The following OPRD1 variants were observed in gnomAD, a reference collection of about 807,000 sequenced individuals.
OPRD1 encodes opioid receptor delta 1, also known as delta-type opioid receptor.
Under a neutral mutation model 17.5 loss-of-function variants are expected in OPRD1, and 19 were observed. The observed-to-expected ratio is 1.09, with a 90% CI of 0.76 to 1.60. The LOEUF (loss-of-function observed/expected upper bound fraction) is 1.60. Ranked by LOEUF, OPRD1 falls within the 40% of genes most tolerant of loss-of-function variation. OPRD1 has a pLI of 0.00. For missense variants in OPRD1, 483 were observed against 547.2 expected, an observed-to-expected ratio of 0.88 and a Z score of 1.17; for synonymous variants, 256 against 240.9, an observed-to-expected ratio of 1.06 and a Z score of -0.58.
chr1:28,854,209 A>G (rs941960647), intron 1 of OPRD1, among the ~76,000 whole-genome samples: 1 of 152,056 alleles, frequency 6.6e-6, no homozygotes, highest in Non-Finnish European at 1.5e-5. Flanking sequence ...GAGGCTACCC[A>G]AATGGAAAGC....
Position 28,819,146 on chromosome 1 carries a change from T to C in OPRD1, c.227+6536T>C, listed in dbSNP as rs1452557010. On this transcript the variant is annotated intron_variant, in intron 1 of 2. Transcript: ENST00000234961. ...GGGCCATTAAAACCCTGTGCTCAGC[T>C]GTCCCCTTTCTGAAATGGAGTGCTG... Among the ~76,000 whole-genome samples, 3 of 152,204 alleles carry C rather than the reference T, an allele frequency of 2.0e-5. No individual in the cohort carries two copies. The East Asian group carries it at 5.8e-4, about 29-fold the overall frequency.
chr1:28,852,976 T>C (rs1053019203), intron 1 of OPRD1, among the ~76,000 whole-genome samples: 1 of 152,108 alleles, frequency 6.6e-6, no homozygotes, highest in East Asian at 1.9e-4. Context: ...CACCTTGGCC[T>C]CCCAAAGTGC....
Position 28,812,482 on chromosome 1 carries a change from T to G in OPRD1, c.99T>G (p.Asn33Lys). 1 of 1,547,198 alleles carries G rather than the reference T, an allele frequency of 6.5e-7. No homozygotes were observed. The highest frequency in any genetic ancestry group is 8.7e-7 in the Non-Finnish European group (1 of 1,155,144). The change falls in exon 1 of 3, where the codon AAT (asparagine) becomes AAG (lysine). Residue 33 changes from asparagine (N) to lysine (K), a missense_variant. Coordinates refer to ENST00000234961, the MANE Select transcript of OPRD1 (RefSeq NM_000911.4). Reference protein sequence around the residue: ...YPSACPSAGANASGPPGARSA... With the variant: ...YPSACPSAGAKASGPPGARSA... ...GCGCCTGCCCCAGCGCTGGCGCCAA[T>G]GCGTCGGGGCCGCCAGGCGCGCGGA... is the stretch of plus-strand genomic sequence containing the variant.
chr1:28,841,483 T>C (rs2088895972), intron 1 of OPRD1, among the ~76,000 whole-genome samples: 1 of 152,240 alleles, frequency 6.6e-6, no homozygotes, highest in Non-Finnish European at 1.5e-5. Flanking sequence ...CTTAGCTGTG[T>C]GTTTTGGGTG....
chr1:28,825,852 A>G lies in OPRD1; in HGVS notation c.227+13242A>G, dbSNP rs115324729. Among the ~76,000 whole-genome samples the G allele has an allele frequency of 4.6e-3, 702 of 152,330 alleles. 9 individuals carry two copies. The highest frequency in any genetic ancestry group is 0.016 in the African/African-American group (660 of 41,568). On this transcript the variant is annotated intron_variant, in intron 1 of 2. Transcript: ENST00000234961. ...AAATCCAGCTTCTTGCTGGCTGTCC[A>G]CTGTTGAACTCAGCGTGCTGTCTGT...
chr1:28,846,846 T>TC (rs1553150755), intron 1 of OPRD1, among the ~76,000 whole-genome samples: 5 of 76,912 alleles, frequency 6.5e-5, no homozygotes, highest in African/African-American at 1.9e-4. Context: ...TCTTTCTTTC[T>TC]TTTCTTTCTT....
At chr1:28,824,480 AT>A (rs1228750566) in intron 1 of OPRD1, among the ~76,000 whole-genome samples, 58 of 144,316 alleles carry the variant, frequency 4.0e-4, no homozygotes, top group East Asian at 6.1e-4. Flanking sequence ...CACCCGGCTA[AT>A]TTTTTTTTTT....
chr1:28,849,712 G>A (rs1024750752), intron 1 of OPRD1, among the ~76,000 whole-genome samples: 3 of 152,226 alleles, frequency 2.0e-5, no homozygotes, highest in Non-Finnish European at 2.9e-5. Flanking sequence ...GCAAGTAAAA[G>A]ATGCAGAGAG....
At chr1:28,853,455 C>T (rs748435503) in intron 1 of OPRD1, among the ~76,000 whole-genome samples, 2 of 152,226 alleles carry the variant, frequency 1.3e-5, no homozygotes, top group African/African-American at 2.4e-5. Flanking sequence ...ATTTGTTAAA[C>T]CACTGGGATT....
chr1:28,825,830 T>A (rs2088763317), intron 1 of OPRD1, among the ~76,000 whole-genome samples: 1 of 152,244 alleles, frequency 6.6e-6, no homozygotes, highest in African/African-American at 2.4e-5. Flanking sequence ...AGGGTTCAAA[T>A]CCAGCTTCTT....
intron 1 of OPRD1, among the ~76,000 whole-genome samples, chr1:28,843,831 T>A (rs1249636981): frequency 1.3e-5 from 2 of 152,078 alleles, no homozygotes; most frequent in Non-Finnish European, 2.9e-5. Flanking sequence ...GGCTAGAAAT[T>A]TCCTTCTTTT....
At position 28,812,463 on chromosome 1, in the gene OPRD1, G is replaced by T. The variant is rs1042114; in HGVS notation, c.80G>T (p.Cys27Phe). 1,337,560 of 1,522,638 alleles carry T rather than the reference G, an allele frequency of 0.88. 588,833 individuals carry two copies. Among genetic ancestry groups the T allele is most frequent in the East Asian group, 1 (38,287 of 38,304 alleles). 94.3% of individuals were successfully genotyped at this position (1,522,638 alleles called of 1,614,324 possible). A position where few individuals can be genotyped will look rare whatever the true frequency, so the allele number is the denominator to read the frequency against. Residue 27 changes from cysteine (C) to phenylalanine (F), a missense_variant, in exon 1 of 3, where the codon TGC becomes TTC. By Grantham distance (205) the Cys-to-Phe change is radical. Transcript: ENST00000234961. The part of the protein sequence containing the change: ...ANASDAYPSA[C>F]PSAGANASGP... The stretch of plus-strand genomic sequence containing the variant: ...GCCTCGGACGCCTACCCTAGCGCCT[G>T]CCCCAGCGCTGGCGCCAATGCGTCG...
chr1:28,834,833 A>C (rs1383576141), intron 1 of OPRD1, among the ~76,000 whole-genome samples: 1 of 152,088 alleles, frequency 6.6e-6, no homozygotes, highest in Non-Finnish European at 1.5e-5. Flanking sequence ...GAAACCCCTG[A>C]CTTTTCAGCT....
At chr1:28,830,767 G>A (rs2088802301) in intron 1 of OPRD1, among the ~76,000 whole-genome samples, 5 of 152,206 alleles carry the variant, frequency 3.3e-5, no homozygotes, top group Admixed American at 3.3e-4. Context: ...ATATGGAGAG[G>A]TCAAAGAAGA....
intron 1 of OPRD1, among the ~76,000 whole-genome samples, chr1:28,853,231 C>G (rs905164813): frequency 6.6e-6 from 1 of 152,202 alleles, no homozygotes; most frequent in Non-Finnish European, 1.5e-5. Flanking sequence ...GGCCACATGA[C>G]TACTTTTGGC....
chr1:28,812,437 C>T lies in OPRD1; in HGVS notation c.54C>T (p.Asn18=). 3.3e-6 allele frequency: 5 copies of T among 1,493,732 alleles called. No individual in the cohort carries two copies. The highest frequency in any genetic ancestry group is 4.4e-6 in the Non-Finnish European group (5 of 1,128,464). 92.5% of individuals were successfully genotyped at this position (1,493,732 alleles called of 1,614,324 possible). A position where few individuals can be genotyped will look rare whatever the true frequency, so the allele number is the denominator to read the frequency against. The change falls in exon 1 of 3, where the codon AAC becomes AAT. Residue 18 remains asparagine (N), a synonymous_variant. Coordinates refer to ENST00000234961, the MANE Select transcript of OPRD1 (RefSeq NM_000911.4). ...GAELQPPLFA[N]ASDAYPSACP... ...AGCTGCAGCCCCCGCTCTTCGCCAA[C>T]GCCTCGGACGCCTACCCTAGCGCCT...
intron 1 of OPRD1, among the ~76,000 whole-genome samples, chr1:28,852,645 C>T (rs2089015412): frequency 2.0e-5 from 3 of 152,178 alleles, no homozygotes; most frequent in Non-Finnish European, 2.9e-5. Flanking sequence ...ATAGCCATTG[C>T]ACTCCAGCCT....
chr1:28,812,319 T>C lies in OPRD1; in HGVS notation c.-65T>C. ...CGCGGCCTCTGCCTTGCCGCTCCCC[T>C]CGCGTCGGATCCCCGCGCCCAGGGC... On this transcript the variant is annotated 5_prime_UTR_variant, in exon 1 of 3. Transcript: ENST00000234961. 1 of 1,161,332 alleles carries C rather than the reference T, an allele frequency of 8.6e-7. No individual in the cohort carries two copies. The highest frequency in any genetic ancestry group is 1.1e-6 in the Non-Finnish European group (1 of 920,924). 71.9% of individuals were successfully genotyped at this position (1,161,332 alleles called of 1,614,324 possible).
intron 1 of OPRD1, among the ~76,000 whole-genome samples, chr1:28,823,190 CTTTTTTTTTT>C (rs773578102): frequency 1.7e-4 from 17 of 101,906 alleles, no homozygotes; most frequent in African/African-American, 6.2e-4. Flanking sequence ...CTTCTGTAGT[CTTTTTTTTTT>C]TTTTTTTTTT....
Sources: allele counts gnomAD v4.1 joint callset (sites outside exome capture counted in the v4.1 genomes callset), GRCh38; gene constraint gnomAD v4.1.1; transcripts MANE v1.5; gene names NCBI Gene and HGNC (gene_info 2026-07-23, HGNC 2026-07-21).